The following FYN variants were observed in gnomAD, a reference collection of about 807,000 sequenced individuals.
FYN encodes the protein tyrosine-protein kinase Fyn.
A neutral mutation model predicts 70.2 loss-of-function variants in FYN; 10 were observed. That is an observed-to-expected ratio of 0.14 (90% CI 0.09 to 0.24). The LOEUF is 0.24. FYN is among the 10% of genes least tolerant of loss of function. The probability of loss-of-function intolerance (pLI) is 1.00; values close to 1 mark genes in which losing one functional copy is unlikely to be tolerated. For missense variants in FYN, 319 were observed against 673.1 expected (o/e 0.47, Z 5.82); for synonymous variants, 236 against 248.6 (o/e 0.95, Z 0.48).
chr6:111,859,571 TC>T (rs1773906484), intron 1 of FYN, among the ~76,000 whole-genome samples: 1 of 152,232 alleles, frequency 6.6e-6, no homozygotes, highest in Non-Finnish European at 1.5e-5. Flanking sequence ...ACTTCTTTCT[TC>T]TTACATGCAA....
intron 2 of FYN, among the ~76,000 whole-genome samples, chr6:111,838,610 G>A (rs141413979): frequency 6.6e-6 from 1 of 152,196 alleles, no homozygotes; most frequent in South Asian, 2.1e-4. Flanking sequence ...GCTTATAGCA[G>A]TCACAAATAA....
chr6:111,676,836 T>C (rs1291465697), intron 12 of FYN, among the ~76,000 whole-genome samples: 1 of 152,332 alleles, frequency 6.6e-6, no homozygotes, highest in East Asian at 1.9e-4. Flanking sequence ...GTGTGTGTGT[T>C]GCTGAAAGTG....
intron 2 of FYN, chr6:111,819,875 C>T (rs1772603329): frequency 2.0e-5 from 3 of 152,162 alleles, no homozygotes; most frequent in African/African-American, 7.2e-5. Flanking sequence ...GTGTCTCATG[C>T]AGAGGGTCTG....
intron 3 of FYN, among the ~76,000 whole-genome samples, chr6:111,761,962 C>T (rs938218167): frequency 1.5e-4 from 23 of 152,312 alleles, no homozygotes; most frequent in African/African-American, 5.5e-4. Flanking sequence ...ACCTGCATTA[C>T]ATCATGGAGG....
At chr6:111,730,837 C>T (rs1029562510) in intron 3 of FYN, among the ~76,000 whole-genome samples, 6 of 150,840 alleles carry the variant, frequency 4.0e-5, no homozygotes, top group African/African-American at 1.5e-4. Context: ...TAAAAACAAT[C>T]AACCAGAGAA....
chr6:111,751,327 T>C (rs1326325305), intron 3 of FYN, among the ~76,000 whole-genome samples: 1 of 152,204 alleles, frequency 6.6e-6, no homozygotes, highest in Non-Finnish European at 1.5e-5. Context: ...ATCATGTTTA[T>C]GTTACACTGT....
chr6:111,717,757 C>G (rs1396658978), intron 4 of FYN, among the ~76,000 whole-genome samples: 1 of 152,222 alleles, frequency 6.6e-6, no homozygotes, highest in African/African-American at 2.4e-5. Flanking sequence ...AGCTACTGCA[C>G]CCGGCCAGAG....
chr6:111,847,137 C>T (rs1194489907), intron 1 of FYN, among the ~76,000 whole-genome samples: 1 of 152,246 alleles, frequency 6.6e-6, no homozygotes, highest in African/African-American at 2.4e-5. Context: ...GGGATGGCCC[C>T]TGGTTCCCAG....
chr6:111,801,745 C>T (rs1329971876), intron 2 of FYN, among the ~76,000 whole-genome samples: 1 of 152,214 alleles, frequency 6.6e-6, no homozygotes, highest in Non-Finnish European at 1.5e-5. Flanking sequence ...CTTACTCCTT[C>T]CTCTCACTTC....
intron 4 of FYN, among the ~76,000 whole-genome samples, chr6:111,717,019 C>T (rs930883083): frequency 4.6e-5 from 7 of 151,926 alleles, no homozygotes; most frequent in Non-Finnish European, 8.8e-5. Context: ...CTCCTGACAT[C>T]GTGATCTGCC....
chr6:111,785,837 G>A (rs1166255161), intron 2 of FYN, among the ~76,000 whole-genome samples: 1 of 76,062 alleles, frequency 1.3e-5, no homozygotes, highest in Non-Finnish European at 2.4e-5. Context: ...CCCCACGACA[G>A]GCCCCAGTGT....
At chr6:111,663,242 C>T (rs530743108) in intron 13 of FYN, among the ~76,000 whole-genome samples, 16 of 152,356 alleles carry the variant, frequency 1.1e-4, no homozygotes, top group African/African-American at 3.8e-4. Context: ...CGATGTCAAG[C>T]CATATAGAAA....
chr6:111,750,717 A>ATTTTT (rs71759856), intron 3 of FYN, among the ~76,000 whole-genome samples: 1 of 130,746 alleles, frequency 7.6e-6, no homozygotes, highest in Non-Finnish European at 1.6e-5. Flanking sequence ...AATTCATGTC[A>ATTTTT]TTTTTTTTTT....
At chr6:111,788,559 C>G (rs912038496) in intron 2 of FYN, among the ~76,000 whole-genome samples, 1 of 152,142 alleles carries the variant, frequency 6.6e-6, no homozygotes, top group African/African-American at 2.4e-5. Context: ...CACTCCCCTC[C>G]AAAGCTCTCT....
chr6:111,743,260 T>C (rs1802062932), intron 3 of FYN, among the ~76,000 whole-genome samples: 1 of 152,166 alleles, frequency 6.6e-6, no homozygotes, highest in Non-Finnish European at 1.5e-5. Context: ...CCACCGCGCC[T>C]GGCCAAGAAT....
chr6:111,717,727 G>C (rs1336192926), intron 4 of FYN, among the ~76,000 whole-genome samples: 1 of 152,176 alleles, frequency 6.6e-6, no homozygotes, highest in Non-Finnish European at 1.5e-5. Context: ...GCCTTCCAAA[G>C]TGCTGGGATT....
intron 13 of FYN, among the ~76,000 whole-genome samples, chr6:111,669,438 CAAAAA>C (rs10690295): frequency 1.8e-5 from 1 of 56,866 alleles, no homozygotes; most frequent in Non-Finnish European, 3.2e-5. Context: ...CCATCCATCT[CAAAAA>C]AAAAAAAAAA....
At chr6:111,679,784 G>A (rs1205626124) in intron 12 of FYN, among the ~76,000 whole-genome samples, 1 of 152,176 alleles carries the variant, frequency 6.6e-6, no homozygotes, top group Non-Finnish European at 1.5e-5. Flanking sequence ...GCCAAAGGAA[G>A]TGTGTTCAGA....
At chr6:111,829,805 T>A (rs1050829719) in intron 2 of FYN, among the ~76,000 whole-genome samples, 1 of 152,186 alleles carries the variant, frequency 6.6e-6, no homozygotes, top group Non-Finnish European at 1.5e-5. Flanking sequence ...CACGGATACA[T>A]GCATGATTCC....
Sources: gnomAD v4.1 joint callset for allele counts (sites outside exome capture counted in the v4.1 genomes callset) on GRCh38, gnomAD v4.1.1 for gene constraint, MANE v1.5 for transcripts, NCBI Gene and HGNC (gene_info 2026-07-23, HGNC 2026-07-21) for gene names.